TULP4: variants seen among roughly 807,000 people sequenced by gnomAD.
TULP4 encodes the protein TUB like protein 4, also known as tubby-related protein 4.
Under a neutral mutation model 129.0 loss-of-function variants are expected in TULP4, and 16 were observed. The ratio of observed to expected loss-of-function variants is 0.12; its 90% CI spans 0.08 to 0.19. The LOEUF (loss-of-function observed/expected upper bound fraction) is 0.19, where lower values mean the gene tolerates loss of function less well. Among genes scored for constraint, TULP4 ranks in the 10% least tolerant of loss-of-function variants. The probability of loss-of-function intolerance (pLI) is 1.00; values close to 1 mark genes in which losing one functional copy is unlikely to be tolerated. For missense variants in TULP4, 1,842 were observed against 2,059.1 expected (o/e 0.89, Z 2.04); for synonymous variants, 998 against 854.0 (o/e 1.17, Z -2.94).
At chr6:158,306,755 C>G (rs1407835092) in intron 1 of TULP4, among the ~76,000 whole-genome samples, 1 of 152,118 alleles carries the variant, frequency 6.6e-6, no homozygotes, top group Non-Finnish European at 1.5e-5. Context: ...CAGTGGCTGA[C>G]ACCTGTAATC....
chr6:158,489,264 G>T (rs540045707), intron 8 of TULP4, among the ~76,000 whole-genome samples: 3 of 152,332 alleles, frequency 2.0e-5, no homozygotes, highest in South Asian at 2.1e-4. Context: ...CTGAAAGTCC[G>T]CATGAACCCA....
In TULP4 at chr6:158,313,273, A is replaced by G. The variant is rs747832550; in HGVS notation, c.-744A>G. ...CGATGGAGCCCTGCGTTCCCCGGGGACACAGGGCCAAGCTTTGAGGTGGAA... is the reference window on the plus strand; with the variant it reads ...CGATGGAGCCCTGCGTTCCCCGGGGGCACAGGGCCAAGCTTTGAGGTGGAA... On this transcript the variant is annotated 5_prime_UTR_variant, in exon 1 of 14. Coordinates refer to ENST00000367097, the MANE Select transcript of TULP4 (RefSeq NM_020245.5). The G allele has an allele frequency of 4.7e-5, 18 of 382,954 alleles. No individual in the cohort carries two copies. The highest frequency in any genetic ancestry group is 7.8e-5 in the Non-Finnish European group (17 of 217,080). 23.7% of individuals were successfully genotyped at this position (382,954 alleles called of 1,614,324 possible). A position where few individuals can be genotyped will look rare whatever the true frequency, so the allele number is the denominator to read the frequency against.
At chr6:158,286,466 A>T (rs1000194804) in intron 1 of TULP4, among the ~76,000 whole-genome samples, 1 of 152,186 alleles carries the variant, frequency 6.6e-6, no homozygotes, top group Admixed American at 6.5e-5. Flanking sequence ...CACGAGAGTA[A>T]ACTTTTTATT....
At chr6:158,334,289 A>C (rs1779982903) in intron 1 of TULP4, among the ~76,000 whole-genome samples, 1 of 152,234 alleles carries the variant, frequency 6.6e-6, no homozygotes, top group African/African-American at 2.4e-5. Flanking sequence ...ACAGGTCTGC[A>C]GCTGGGGTGG....
chr6:158,487,329 A>G (rs1488601794), intron 8 of TULP4, among the ~76,000 whole-genome samples: 1 of 152,166 alleles, frequency 6.6e-6, no homozygotes, highest in African/African-American at 2.4e-5. Context: ...AGTCCCAGCT[A>G]CTCAGGAGGC....
intron 1 of TULP4, among the ~76,000 whole-genome samples, chr6:158,347,401 A>C (rs1650334654): frequency 6.6e-6 from 1 of 152,192 alleles, no homozygotes; most frequent in Admixed American, 6.5e-5. Context: ...AGCCTGGTCT[A>C]AGCTCATCCC....
chr6:158,241,601 TG>T (rs1285137054), intron 1 of TULP4, among the ~76,000 whole-genome samples: 1 of 151,282 alleles, frequency 6.6e-6, no homozygotes. Flanking sequence ...GGCGTGAAAT[TG>T]TTTTTTTTTT....
intron 12 of TULP4, among the ~76,000 whole-genome samples, chr6:158,501,461 CAGTACCCTT>C (rs1300151346): frequency 6.6e-6 from 1 of 152,190 alleles, no homozygotes; most frequent in Non-Finnish European, 1.5e-5. Flanking sequence ...AAAGTTCTGA[CAGTACCCTT>C]AGCTAACAGA....
At chr6:158,297,168 A>G (rs965538807) in intron 1 of TULP4, among the ~76,000 whole-genome samples, 2 of 152,026 alleles carry the variant, frequency 1.3e-5, no homozygotes, top group Non-Finnish European at 2.9e-5. Context: ...TTCTTTTCCT[A>G]GGGTCTTAAT....
intron 5 of TULP4, 73 bp downstream of exon 5, chr6:158,452,341 C>A: frequency 1.3e-6 from 2 of 1,565,612 alleles, no homozygotes; most frequent in Non-Finnish European, 8.7e-7. Context: ...CGGTCTTGTA[C>A]ACTCTGTGCT....
intron 6 of TULP4, among the ~76,000 whole-genome samples, chr6:158,469,300 A>G (rs1255640302): frequency 6.7e-6 from 1 of 148,698 alleles, no homozygotes; most frequent in Non-Finnish European, 1.5e-5. Flanking sequence ...TCGAGACAGG[A>G]TCTCACTCTG....
intron 1 of TULP4, among the ~76,000 whole-genome samples, chr6:158,402,917 T>C (rs890371169): frequency 6.6e-6 from 1 of 150,750 alleles, no homozygotes; most frequent in African/African-American, 2.4e-5. Context: ...TGACAACTTA[T>C]GTTGGGAGAA....
At chr6:158,479,291 C>T (rs1053386561) in intron 6 of TULP4, among the ~76,000 whole-genome samples, 12 of 152,216 alleles carry the variant, frequency 7.9e-5, no homozygotes, top group African/African-American at 2.7e-4. Flanking sequence ...ATTGCCCCTA[C>T]TAGTAGAAAC....
intron 1 of TULP4, among the ~76,000 whole-genome samples, chr6:158,248,626 C>T (rs189464304): frequency 2.0e-4 from 30 of 152,096 alleles, no homozygotes; most frequent in African/African-American, 6.3e-4. Context: ...CCTGTGTCCC[C>T]GCTACTCGGA....
At chr6:158,436,061 C>T (rs1778744609) in intron 3 of TULP4, among the ~76,000 whole-genome samples, 1 of 152,112 alleles carries the variant, frequency 6.6e-6, no homozygotes, top group Non-Finnish European at 1.5e-5. Context: ...ACCACACAGG[C>T]ATGCGCCACC....
At chr6:158,344,046 C>G (rs1780246820) in intron 1 of TULP4, among the ~76,000 whole-genome samples, 1 of 152,150 alleles carries the variant, frequency 6.6e-6, no homozygotes, top group South Asian at 2.1e-4. Context: ...CCTAACTGAT[C>G]AATGTACTTT....
chr6:158,365,404 T>A (rs1337814885), intron 1 of TULP4, among the ~76,000 whole-genome samples: 6 of 147,580 alleles, frequency 4.1e-5, no homozygotes, highest in African/African-American at 1.3e-4. Context: ...TTCTAAAAAT[T>A]TTTTTTTTTC....
intron 13 of TULP4, among the ~76,000 whole-genome samples, chr6:158,505,042 C>T (rs1780569150): frequency 6.6e-6 from 1 of 152,190 alleles, no homozygotes; most frequent in Admixed American, 6.5e-5. Flanking sequence ...TTTTCTTCCC[C>T]TAGACATATC....
At chr6:158,297,101 C>T (rs867342779) in intron 1 of TULP4, among the ~76,000 whole-genome samples, 5 of 151,854 alleles carry the variant, frequency 3.3e-5, no homozygotes, top group African/African-American at 1.2e-4. Context: ...TTTTCTCAAC[C>T]GCATAGGACA....
Sources: allele counts gnomAD v4.1 joint callset (sites outside exome capture counted in the v4.1 genomes callset), GRCh38; gene constraint gnomAD v4.1.1; transcripts MANE v1.5; gene names NCBI Gene and HGNC (gene_info 2026-07-23, HGNC 2026-07-21).